Variants in PPP2R2C observed in about 807,000 individuals in gnomAD.
PPP2R2C encodes protein phosphatase 2, regulatory subunit B, gamma.
A neutral mutation model predicts 45.3 loss-of-function variants in PPP2R2C; 10 were observed. The ratio of observed to expected loss-of-function variants is 0.22; its 90% CI spans 0.14 to 0.37. The LOEUF (loss-of-function observed/expected upper bound fraction) is 0.37. Among genes scored for constraint, PPP2R2C ranks in the 10% least tolerant of loss-of-function variants. The pLI, the probability that PPP2R2C is intolerant of heterozygous loss-of-function variation, is 1.00. For synonymous variants in PPP2R2C, 257 were observed against 245.4 expected (o/e 1.05, Z -0.44); for missense variants, 308 against 619.7 (o/e 0.50, Z 5.34).
intron 1 of PPP2R2C, among the ~76,000 whole-genome samples, chr4:6,536,584 C>G (rs1477490014): frequency 6.6e-6 from 1 of 152,184 alleles, no homozygotes; most frequent in East Asian, 1.9e-4. Flanking sequence ...GCCCTGTGGC[C>G]CATACCCCGC....
chr4:6,493,907 C>T (rs555993958), intron 2 of PPP2R2C, among the ~76,000 whole-genome samples: 103 of 152,308 alleles, frequency 6.8e-4, no homozygotes, highest in Non-Finnish European at 1.2e-3. Context: ...ATCAACAGAA[C>T]ATGCTGGAAT....
At chr4:6,334,268 G>A (rs1310928950) in intron 6 of PPP2R2C, among the ~76,000 whole-genome samples, 1 of 152,128 alleles carries the variant, frequency 6.6e-6, no homozygotes, top group Non-Finnish European at 1.5e-5. Context: ...ATTGCCATGG[G>A]GTTTGTAACA....
chr4:6,543,428 A>G lies in PPP2R2C; in HGVS notation c.-58-8051T>C, dbSNP rs189582487. 4.0e-3 allele frequency among the ~76,000 whole-genome samples: 613 copies of G among 152,274 alleles called. 4 individuals are homozygous for G. The highest frequency in any genetic ancestry group is 0.014 in the African/African-American group (578 of 41,544). ...AAAAATGGCAATGGTTAAAAAAACA[A>G]CAACAAATACCAGGCCAGGCGTGGT... On this transcript the variant is annotated intron_variant, in intron 1 of 9. Transcript: ENST00000506140.
chr4:6,563,749 A>G (rs1251946564), upstream of PPP2R2C: 1 of 139,534 alleles, frequency 7.2e-6, no homozygotes, highest in African/African-American at 2.6e-5. The surrounding 1 kb of genome is among the most constrained non-coding windows in gnomAD (Gnocchi z 5.8). Flanking sequence ...CTGCTGGGCC[A>G]TGGGCGGCTC....
chr4:6,395,239 T>C (rs1177371266), intron 1 of PPP2R2C, among the ~76,000 whole-genome samples: 2 of 152,148 alleles, frequency 1.3e-5, no homozygotes, highest in Non-Finnish European at 2.9e-5. Context: ...CTCCTAACAC[T>C]GCCCCTTCCC....
chr4:6,464,435 T>C (rs1721488285), intron 1 of PPP2R2C, among the ~76,000 whole-genome samples: 1 of 152,114 alleles, frequency 6.6e-6, no homozygotes, highest in Non-Finnish European at 1.5e-5. Context: ...CCCAAGACAC[T>C]GGGAGAGGAG....
At chr4:6,517,112 G>A (rs1326718482) in intron 2 of PPP2R2C, among the ~76,000 whole-genome samples, 1 of 152,212 alleles carries the variant, frequency 6.6e-6, no homozygotes, top group East Asian at 1.9e-4. Flanking sequence ...GGGAGACCCT[G>A]ATGCCAATAT....
chr4:6,444,976 G>A (rs4689007), intron 1 of PPP2R2C, among the ~76,000 whole-genome samples: 94,941 of 152,028 alleles, frequency 0.62, 29,996 homozygotes, highest in African/African-American at 0.72. Context: ...CTTCAGCCTA[G>A]GGGTTCCAGA....
intron 2 of PPP2R2C, among the ~76,000 whole-genome samples, chr4:6,535,057 G>T (rs1560608241): frequency 6.6e-6 from 1 of 152,206 alleles, no homozygotes; most frequent in Non-Finnish European, 1.5e-5. Flanking sequence ...GGAGACAGGG[G>T]CGGCAATGGG....
intron 1 of PPP2R2C, among the ~76,000 whole-genome samples, chr4:6,388,777 G>A (rs1204590968): frequency 6.6e-6 from 1 of 152,198 alleles, no homozygotes; most frequent in Non-Finnish European, 1.5e-5. Context: ...AGCCGTCAGA[G>A]GGAGCCCAGC....
At chr4:6,452,119 G>A (rs955315784) in intron 1 of PPP2R2C, among the ~76,000 whole-genome samples, 6 of 152,094 alleles carry the variant, frequency 3.9e-5, no homozygotes, top group Non-Finnish European at 8.8e-5. Context: ...GGCTGGGAGT[G>A]GGGTCCCAGC....
At chr4:6,437,191 T>C (rs1171429478) in intron 1 of PPP2R2C, among the ~76,000 whole-genome samples, 1 of 152,214 alleles carries the variant, frequency 6.6e-6, no homozygotes, top group Non-Finnish European at 1.5e-5. Flanking sequence ...TGCTCACTGA[T>C]ATGACCTTCC....
intron 2 of PPP2R2C, among the ~76,000 whole-genome samples, chr4:6,517,943 A>C (rs962360373): frequency 6.6e-6 from 1 of 152,222 alleles, no homozygotes; most frequent in Non-Finnish European, 1.5e-5. Flanking sequence ...GTGAGGCCAG[A>C]AAATCTGTCT....
chr4:6,333,576 T>C lies in PPP2R2C; in HGVS notation c.946A>G (p.Ile316Val), dbSNP rs1473897058. Reference sequence around the variant, plus strand: ...GTGGTGCCCACCTGGTAGGTCTCTATGGGTCTTGCCTCCATGTTCAGGTCC... The same window carrying C: ...GTGGTGCCCACCTGGTAGGTCTCTACGGGTCTTGCCTCCATGTTCAGGTCC... ...VWDLNMEARPIETYQVHDYLR... is the reference protein window; with the variant it reads ...VWDLNMEARPVETYQVHDYLR... Residue 316 changes from isoleucine to valine, a missense_variant, in exon 7 of 9, where the codon ATA (isoleucine) becomes GTA (valine). Ile to Val is a conservative substitution (Grantham distance 29). Coordinates refer to ENST00000382599, the MANE Select transcript of PPP2R2C (RefSeq NM_020416.4). 1 of 1,614,060 alleles carries C rather than the reference T, an allele frequency of 6.2e-7. No homozygotes were observed. Among genetic ancestry groups the C allele is most frequent in the Non-Finnish European group, 8.5e-7 (1 of 1,179,926 alleles).
At position 6,337,108 on chromosome 4, in the gene PPP2R2C, GTGTGTATATATA is replaced by G. The variant is rs1329830494; in HGVS notation, c.791-3389_791-3378del. ...TTGGCATCTTTGTTTCTGTATGTGT[GTGTGTATATATA>G]TATATATATATATATATATATATAT... On this transcript the variant is annotated intron_variant, in intron 6 of 8. Coordinates refer to ENST00000382599, the MANE Select transcript of PPP2R2C (RefSeq NM_020416.4). Among the ~76,000 whole-genome samples, 117 of 33,246 alleles carry G rather than the reference GTGTGTATATATA, an allele frequency of 3.5e-3. 6 individuals carry two copies. The highest frequency in any genetic ancestry group is 5.8e-3 in the East Asian group (5 of 868). 21.8% of individuals were successfully genotyped at this position (33,246 alleles called of 152,430 possible).
Position 6,378,433 on chromosome 4 carries a change from G to A in PPP2R2C, c.308C>T (p.Ala103Val). The change falls in exon 3 of 9, where the codon GCC becomes GTC. Residue 103 changes from alanine to valine, a missense_variant. Physicochemically the swap from Ala to Val is moderately conservative, Grantham distance 64. Coordinates refer to ENST00000382599, the MANE Select transcript of PPP2R2C (RefSeq NM_020416.4). This position sits in a 1 kb window ranked among gnomAD's most constrained non-coding sequence, Gnocchi z 5.2. ...NKIKWLPQQN[A>V]AHSLLSTNDK... The stretch of plus-strand genomic sequence containing the variant: ...GTTGGTGGACAGGAGTGAGTGGGCG[G>A]CGTTCTGCTGTGGGAGCCACTTGAT... The A allele has an allele frequency of 6.2e-7, 1 of 1,614,194 alleles. No homozygotes were observed. Among genetic ancestry groups the A allele is most frequent in the Non-Finnish European group, 8.5e-7 (1 of 1,180,044 alleles).
At chr4:6,398,716 G>A (rs1361702940) in intron 1 of PPP2R2C, among the ~76,000 whole-genome samples, 3 of 152,286 alleles carry the variant, frequency 2.0e-5, no homozygotes, top group East Asian at 3.9e-4. Flanking sequence ...AAATAAGCAC[G>A]GGTCTACCAT....
At chr4:6,448,155 G>A (rs901680708) in intron 1 of PPP2R2C, among the ~76,000 whole-genome samples, 9 of 152,142 alleles carry the variant, frequency 5.9e-5, no homozygotes, top group Admixed American at 5.9e-4. Flanking sequence ...CATTTATTGG[G>A]TGCGTTCTCT....
chr4:6,541,377 G>GATTA (rs369730121), intron 1 of PPP2R2C, among the ~76,000 whole-genome samples: 2,855 of 151,982 alleles, frequency 0.019, 77 homozygotes, highest in African/African-American at 0.063. Context: ...TACAGGTCAA[G>GATTA]ATTAATTAAT....
Sources: allele counts gnomAD v4.1 joint callset (sites outside exome capture counted in the v4.1 genomes callset), GRCh38; gene constraint gnomAD v4.1.1; non-coding constraint Gnocchi (gnomAD v3.1); transcripts MANE v1.5; gene names NCBI Gene and HGNC (gene_info 2026-07-23, HGNC 2026-07-21).